The following UPF2 variants were observed in gnomAD, a reference collection of about 807,000 sequenced individuals.
UPF2 encodes the protein UPF2 regulator of nonsense mediated mRNA decay.
Under a neutral mutation model 141.4 loss-of-function variants are expected in UPF2, and 17 were observed. That is an observed-to-expected ratio of 0.12 (90% CI 0.08 to 0.18). The LOEUF is 0.18. Ranked by LOEUF, UPF2 falls within the 10% of genes least tolerant of loss-of-function variation. The pLI is 1.00. For missense variants in UPF2, 1,152 were observed against 1,515.9 expected, an observed-to-expected ratio of 0.76 and a Z score of 3.99; for synonymous variants, 540 against 498.0, an observed-to-expected ratio of 1.08 and a Z score of -1.12.
chr10:12,023,467 G>A (rs7097405), intron 3 of UPF2, among the ~76,000 whole-genome samples: 7,898 of 144,656 alleles, frequency 0.055, 278 homozygotes, highest in Non-Finnish European at 0.081. Flanking sequence ...GAGGTCAAGA[G>A]ATCGAGACCA....
intron 1 of UPF2, among the ~76,000 whole-genome samples, chr10:12,036,681 C>T (rs914816919): frequency 6.6e-6 from 1 of 152,160 alleles, no homozygotes; most frequent in Non-Finnish European, 1.5e-5. Context: ...TTCTTTTAGG[C>T]ATGGTGTTTC....
chr10:12,015,336 AGAT>A lies in UPF2; in HGVS notation c.1146-1155_1146-1153del, dbSNP rs934672114. Among the ~76,000 whole-genome samples, 69 of 152,230 alleles carry A rather than the reference AGAT, an allele frequency of 4.5e-4. 3 individuals are homozygous for A. Among genetic ancestry groups the A allele is most frequent in the Non-Finnish European group, 4.4e-5 (3 of 68,040 alleles). ...AATAATGCCTATACTTATTCTTCCC[AGAT>A]TATTTGAAACAATGTCAAAACTTTC... On this transcript the variant is annotated intron_variant, in intron 3 of 21. Coordinates refer to ENST00000357604, the MANE Select transcript of UPF2 (RefSeq NM_015542.4).
At chr10:11,969,231 G>A (rs1485537145) in intron 9 of UPF2, among the ~76,000 whole-genome samples, 4 of 150,806 alleles carry the variant, frequency 2.7e-5, no homozygotes, top group African/African-American at 4.9e-5. Context: ...GCAATGGCGC[G>A]ATCTCAGACC....
Position 12,016,481 on chromosome 10 carries a change from G to A in UPF2, c.1146-2297C>T, listed in dbSNP as rs917068858. 2.0e-5 allele frequency among the ~76,000 whole-genome samples: 3 copies of A among 151,094 alleles called. No homozygotes were observed. The highest frequency in any genetic ancestry group is 7.3e-5 in the African/African-American group (3 of 41,132). On this transcript the variant is annotated intron_variant, in intron 3 of 21. Transcript: ENST00000357604. This position sits in a 1 kb window ranked among gnomAD's most constrained non-coding sequence, Gnocchi z 4.1. Reference sequence around the variant, plus strand: ...AAGGCCGAGGTGGGAGGATCACAAGGTCAGGAGTTTGAGACCAGCCTGGCC... The same window carrying A: ...AAGGCCGAGGTGGGAGGATCACAAGATCAGGAGTTTGAGACCAGCCTGGCC...
At chr10:12,024,616 T>G (rs534747956) in intron 3 of UPF2, among the ~76,000 whole-genome samples, 1 of 151,072 alleles carries the variant, frequency 6.6e-6, no homozygotes, top group Non-Finnish European at 1.5e-5. Flanking sequence ...TCTCGAAAAA[T>G]TAATTAATTT....
At chr10:11,965,035 CAT>C (rs1174158677) in intron 10 of UPF2, among the ~76,000 whole-genome samples, 3 of 152,142 alleles carry the variant, frequency 2.0e-5, no homozygotes, top group Middle Eastern at 3.2e-3. Context: ...AGTCAGGTGA[CAT>C]GTGTCACAAT....
At chr10:11,949,103 G>C (rs186351784) in intron 15 of UPF2, among the ~76,000 whole-genome samples, 1 of 152,282 alleles carries the variant, frequency 6.6e-6, no homozygotes, top group African/African-American at 2.4e-5. Flanking sequence ...TCCCTGGCCT[G>C]AATTTGCTTT....
At chr10:11,938,106 T>G (rs1050904799) in intron 18 of UPF2, among the ~76,000 whole-genome samples, 2 of 152,114 alleles carry the variant, frequency 1.3e-5, no homozygotes, top group Non-Finnish European at 1.5e-5. Flanking sequence ...AACAATGCAG[T>G]ATGTTCTTTT....
At chr10:11,970,629 C>T (rs572774296) in intron 9 of UPF2, among the ~76,000 whole-genome samples, 11 of 151,890 alleles carry the variant, frequency 7.2e-5, no homozygotes, top group African/African-American at 1.2e-4. Flanking sequence ...CTGGCCAACA[C>T]GGTGAAACCC....
intron 2 of UPF2, among the ~76,000 whole-genome samples, chr10:12,032,972 C>T (rs1284644273): frequency 6.6e-6 from 1 of 152,012 alleles, no homozygotes; most frequent in Non-Finnish European, 1.5e-5. Context: ...CACTGCACTC[C>T]AGCCTGGGTA....
At chr10:12,028,688 T>C in intron 3 of UPF2, 57 bp downstream of exon 3, 1 of 1,503,594 alleles carries the variant, frequency 6.7e-7, no homozygotes, top group East Asian at 2.3e-5. Flanking sequence ...ACTTTAAACA[T>C]TTTTAAGTAT....
At chr10:11,957,707 A>G (rs1833175619) in intron 12 of UPF2, among the ~76,000 whole-genome samples, 1 of 151,956 alleles carries the variant, frequency 6.6e-6, no homozygotes, top group Admixed American at 6.6e-5. Flanking sequence ...GGTAGAAATG[A>G]GGGTTTCGCC....
chr10:12,018,121 G>T (rs924459612), intron 3 of UPF2, among the ~76,000 whole-genome samples: 1 of 152,154 alleles, frequency 6.6e-6, no homozygotes, highest in Non-Finnish European at 1.5e-5. Context: ...ACAAAGCAGA[G>T]AAATAACTCA....
chr10:11,973,069 C>T lies in UPF2; in HGVS notation c.1954-5615G>A, dbSNP rs370994134. ...TGTTGTTTCCTGACTTTTTAATGATCGCCATTCTAACTGGTGTGAGATGGT... is the reference window on the plus strand; with the variant it reads ...TGTTGTTTCCTGACTTTTTAATGATTGCCATTCTAACTGGTGTGAGATGGT... On this transcript the variant is annotated intron_variant, in intron 9 of 21. Transcript: ENST00000357604. Among the ~76,000 whole-genome samples the T allele has an allele frequency of 3.7e-3, 561 of 152,132 alleles. 3 individuals carry two copies. Among genetic ancestry groups the T allele is most frequent in the East Asian group, 0.013 (66 of 5,170 alleles).
intron 21 of UPF2, among the ~76,000 whole-genome samples, chr10:11,923,933 T>C (rs1486856471): frequency 6.6e-6 from 1 of 152,328 alleles, no homozygotes; most frequent in South Asian, 2.1e-4. Context: ...ACTTGCTTTT[T>C]AGTAAGAGTC....
At chr10:12,007,648 G>T (rs527624183) in intron 4 of UPF2, among the ~76,000 whole-genome samples, 2 of 151,844 alleles carry the variant, frequency 1.3e-5, no homozygotes, top group African/African-American at 4.8e-5. Flanking sequence ...AGCTAACACA[G>T]TGAAACCCCG....
intron 1 of UPF2, among the ~76,000 whole-genome samples, chr10:12,041,833 T>TA (rs1300486999): frequency 2.0e-5 from 3 of 152,172 alleles, no homozygotes. Context: ...GGAAATGAGA[T>TA]AAAGCGTCAG....
intron 2 of UPF2, among the ~76,000 whole-genome samples, chr10:12,031,197 A>C (rs1049247537): frequency 6.6e-6 from 1 of 150,542 alleles, no homozygotes; most frequent in Non-Finnish European, 1.5e-5. Flanking sequence ...AAAACAAAAC[A>C]GTTTTGCAAT....
intron 8 of UPF2, among the ~76,000 whole-genome samples, chr10:11,984,959 C>T (rs578009080): frequency 8.5e-5 from 13 of 152,212 alleles, no homozygotes; most frequent in South Asian, 2.1e-4. Context: ...GTGATCCACC[C>T]GCCTCGGCCT....
Sources: allele counts gnomAD v4.1 joint callset (sites outside exome capture counted in the v4.1 genomes callset), GRCh38; gene constraint gnomAD v4.1.1; non-coding constraint Gnocchi (gnomAD v3.1); transcripts MANE v1.5; gene names NCBI Gene and HGNC (gene_info 2026-07-23, HGNC 2026-07-21).